Variants in ZNF423 observed in about 807,000 individuals in gnomAD.
ZNF423 encodes zinc finger protein 423.
A neutral mutation model predicts 95.8 loss-of-function variants in ZNF423; 12 were observed. The ratio of observed to expected loss-of-function variants is 0.13; its 90% CI spans 0.08 to 0.20. The LOEUF is 0.20. Among genes scored for constraint, ZNF423 ranks in the 10% least tolerant of loss-of-function variants. The pLI, the probability that ZNF423 is intolerant of heterozygous loss-of-function variation, is 1.00. For synonymous variants in ZNF423, 749 were observed against 711.9 expected (o/e 1.05, Z -0.83); for missense variants, 1,316 against 1,737.1 (o/e 0.76, Z 4.31).
At chr16:49,632,233 C>A (rs1972528960) in intron 4 of ZNF423, among the ~76,000 whole-genome samples, 1 of 152,144 alleles carries the variant, frequency 6.6e-6, no homozygotes, top group Admixed American at 6.6e-5. Flanking sequence ...CGACAGCAGC[C>A]TCAGCCCCAC....
At chr16:49,819,175 G>A (rs964481906) in intron 1 of ZNF423, among the ~76,000 whole-genome samples, 11 of 150,504 alleles carry the variant, frequency 7.3e-5, no homozygotes, top group African/African-American at 1.7e-4. Flanking sequence ...GCGTGAACCC[G>A]GGAGGCGGAG....
At chr16:49,702,971 C>T (rs1245393420) in intron 3 of ZNF423, among the ~76,000 whole-genome samples, 1 of 151,898 alleles carries the variant, frequency 6.6e-6, no homozygotes, top group Non-Finnish European at 1.5e-5. Context: ...GATAAAGCAC[C>T]ATATGCTCAT....
chr16:49,856,645 C>T (rs2035373929), upstream of ZNF423, among the ~76,000 whole-genome samples: 1 of 150,804 alleles, frequency 6.6e-6, no homozygotes, highest in Non-Finnish European at 1.5e-5. Flanking sequence ...CCTTCTCTGG[C>T]TCTCGGATCG....
chr16:49,637,573 G>A lies in ZNF423; in HGVS notation c.1603C>T (p.Leu535Phe). 6 of 1,614,048 alleles carry A rather than the reference G, an allele frequency of 3.7e-6. No homozygotes were observed. The highest frequency in any genetic ancestry group is 5.1e-6 in the Non-Finnish European group (6 of 1,180,022). Residue 535 changes from leucine (L) to phenylalanine (F), a missense_variant, in exon 4 of 8, where the codon CTT becomes TTT. Around this residue, in one of 6 missense-constraint regions of ZNF423, gnomAD observed 399 missense variants for 478.5 expected, o/e 0.83. Transcript: ENST00000563137. This position sits in a 1 kb window ranked among gnomAD's most constrained non-coding sequence, Gnocchi z 5.6. ...FFCNQCSMGFLTESSLTEHIQ... is the reference protein window; with the variant it reads ...FFCNQCSMGFFTESSLTEHIQ... Reference sequence around the variant, plus strand: ...TGCTCGGTGAGGGAGGACTCAGTAAGGAAACCCATGGAGCACTGGTTGCAG... The same window carrying A: ...TGCTCGGTGAGGGAGGACTCAGTAAAGAAACCCATGGAGCACTGGTTGCAG...
chr16:49,730,022 G>A (rs2033122877), intron 3 of ZNF423, among the ~76,000 whole-genome samples: 1 of 152,082 alleles, frequency 6.6e-6, no homozygotes, highest in South Asian at 2.1e-4. Flanking sequence ...AGGTCCTATG[G>A]ACTCCCTCTG....
intron 7 of ZNF423, among the ~76,000 whole-genome samples, chr16:49,511,138 A>G (rs1967881117): frequency 6.6e-6 from 1 of 152,196 alleles, no homozygotes; most frequent in East Asian, 1.9e-4. Flanking sequence ...CTGGACACAG[A>G]CTTCTGTTTC....
chr16:49,497,181 A>C (rs1341677738), intron 7 of ZNF423, among the ~76,000 whole-genome samples: 1 of 152,006 alleles, frequency 6.6e-6, no homozygotes, highest in Non-Finnish European at 1.5e-5. Flanking sequence ...ATAGGTGTGC[A>C]CTCATCCACC....
intron 1 of ZNF423, among the ~76,000 whole-genome samples, chr16:49,804,269 T>C (rs924973321): frequency 6.6e-6 from 1 of 152,234 alleles, no homozygotes; most frequent in African/African-American, 2.4e-5. Context: ...AGAGTTAAAA[T>C]TCTGATTTTT....
chr16:49,800,289 A>G (rs1036412738), intron 1 of ZNF423, among the ~76,000 whole-genome samples: 1 of 151,664 alleles, frequency 6.6e-6, no homozygotes, highest in Non-Finnish European at 1.5e-5. Context: ...GGGTCTCACT[A>G]TGTTGCCCAG....
chr16:49,683,477 C>T (rs2151939575), intron 3 of ZNF423, among the ~76,000 whole-genome samples: 1 of 152,296 alleles, frequency 6.6e-6, no homozygotes. Flanking sequence ...GAGAACTTGA[C>T]ACCCAGAGGA....
intron 4 of ZNF423, among the ~76,000 whole-genome samples, chr16:49,633,626 G>A (rs1343841189): frequency 1.3e-5 from 2 of 152,172 alleles, no homozygotes; most frequent in Admixed American, 1.3e-4. Flanking sequence ...TTTTAACCCA[G>A]GCCACCTGAC....
intron 2 of ZNF423, among the ~76,000 whole-genome samples, chr16:49,749,562 C>T (rs2033593692): frequency 6.6e-6 from 1 of 152,236 alleles, no homozygotes; most frequent in African/African-American, 2.4e-5. Flanking sequence ...GAGCGCGATC[C>T]CGCACATCCT....
chr16:49,682,922 C>T (rs1291263861), intron 3 of ZNF423, among the ~76,000 whole-genome samples: 10 of 152,208 alleles, frequency 6.6e-5, no homozygotes, highest in African/African-American at 2.4e-4. Context: ...GCCCCTACCA[C>T]AACCAGCGCA....
intron 5 of ZNF423, 147 bp downstream of exon 5, chr16:49,626,023 A>C (rs1972251327): frequency 1.4e-6 from 1 of 710,056 alleles, no homozygotes; most frequent in Non-Finnish European, 2.4e-6. Context: ...CCCCATTCTG[A>C]CATTTTCACT....
At chr16:49,676,981 G>C (rs1022591131) in intron 3 of ZNF423, among the ~76,000 whole-genome samples, 1 of 151,950 alleles carries the variant, frequency 6.6e-6, no homozygotes, top group Admixed American at 6.6e-5. Context: ...ACTTTGGGAG[G>C]CCGAGGTGGG....
At chr16:49,640,861 C>T (rs929320388) in intron 3 of ZNF423, 1 of 152,310 alleles carries the variant, frequency 6.6e-6, no homozygotes, top group African/African-American at 2.4e-5. Context: ...ATGCAGCAGT[C>T]GTGGCCAGCT....
chr16:49,748,212 G>A (rs982746561), intron 2 of ZNF423, among the ~76,000 whole-genome samples: 2 of 152,250 alleles, frequency 1.3e-5, no homozygotes, highest in Admixed American at 6.5e-5. Flanking sequence ...GTGTTGAATG[G>A]ATGAATGAAG....
At chr16:49,824,147 T>TG (rs1054248400) in intron 1 of ZNF423, among the ~76,000 whole-genome samples, 1 of 152,048 alleles carries the variant, frequency 6.6e-6, no homozygotes. Flanking sequence ...GTGTCAAAAC[T>TG]GGGGGGGAAT....
At chr16:49,798,980 C>A (rs762560687) in intron 1 of ZNF423, among the ~76,000 whole-genome samples, 84 of 152,110 alleles carry the variant, frequency 5.5e-4, no homozygotes, top group Non-Finnish European at 9.3e-4. Context: ...GAAAAGTGAC[C>A]CTTGCAGAAG....
Sources: gnomAD v4.1 joint callset for allele counts (sites outside exome capture counted in the v4.1 genomes callset) on GRCh38, gnomAD v4.1.1 for gene constraint, gnomAD v4.1.1 regional missense constraint, Gnocchi (gnomAD v3.1) non-coding constraint, MANE v1.5 for transcripts, NCBI Gene and HGNC (gene_info 2026-07-23, HGNC 2026-07-21) for gene names.